FBXW11: variants seen among roughly 807,000 people sequenced by gnomAD.
FBXW11 encodes F-box and WD repeat domain containing 11.
Under a neutral mutation model 77.6 loss-of-function variants are expected in FBXW11, and 19 were observed. The ratio of observed to expected loss-of-function variants is 0.24; its 90% CI spans 0.17 to 0.36. The LOEUF is 0.36. FBXW11 is among the 10% of genes least tolerant of loss of function. The pLI, the probability that FBXW11 is intolerant of heterozygous loss-of-function variation, is 1.00. For missense variants in FBXW11, 334 were observed against 704.2 expected (o/e 0.47, Z 5.95); for synonymous variants, 235 against 249.4 (o/e 0.94, Z 0.54).
At chr5:171,959,857 A>AAAAGAAAAG (rs60835432) in intron 1 of FBXW11, among the ~76,000 whole-genome samples, 161 of 130,920 alleles carry the variant, frequency 1.2e-3, no homozygotes, top group Middle Eastern at 3.7e-3. Context: ...CAAAAAAAAA[A>AAAAGAAAAG]AAAAGAAAAG....
intron 6 of FBXW11, among the ~76,000 whole-genome samples, chr5:171,897,252 T>C (rs1431218688): frequency 6.6e-6 from 1 of 152,230 alleles, no homozygotes. Flanking sequence ...CTATTAGTGG[T>C]ACATTACTTT....
At chr5:171,974,418 G>A (rs1369651459) in intron 1 of FBXW11, among the ~76,000 whole-genome samples, 2 of 149,234 alleles carry the variant, frequency 1.3e-5, no homozygotes. Flanking sequence ...TGGATGACAG[G>A]AGCGAAACTC....
intron 1 of FBXW11, chr5:171,997,161 G>A (rs966549427): frequency 2.6e-5 from 25 of 951,906 alleles, no homozygotes; most frequent in African/African-American, 5.1e-5. Context: ...TGAGGCACAG[G>A]AAAAAAGTTA....
At chr5:171,938,123 T>C (rs922463356) in intron 2 of FBXW11, among the ~76,000 whole-genome samples, 13 of 152,356 alleles carry the variant, frequency 8.5e-5, no homozygotes, top group African/African-American at 2.9e-4. Flanking sequence ...AGTGGCACGA[T>C]CATAGCTCAC....
At chr5:171,915,201 G>A (rs1017505588) in intron 2 of FBXW11, among the ~76,000 whole-genome samples, 1 of 152,094 alleles carries the variant, frequency 6.6e-6, no homozygotes, top group Non-Finnish European at 1.5e-5. Flanking sequence ...ACTCATTTAT[G>A]GATAGCAGTC....
At chr5:172,001,343 TG>T (rs1561765774) in intron 1 of FBXW11, among the ~76,000 whole-genome samples, 6 of 152,186 alleles carry the variant, frequency 3.9e-5, no homozygotes, top group Non-Finnish European at 2.9e-5. Flanking sequence ...AATTTGGAAC[TG>T]ATTATTGTGA....
intron 1 of FBXW11, among the ~76,000 whole-genome samples, chr5:171,997,398 T>C (rs1286321928): frequency 6.6e-6 from 1 of 152,236 alleles, no homozygotes; most frequent in African/African-American, 2.4e-5. Flanking sequence ...CCTTATCCAT[T>C]TTCTAAGACA....
At position 171,876,145 on chromosome 5, in the gene FBXW11, G is replaced by A. The variant is rs1758065629; in HGVS notation, c.1221+140C>T. Reference sequence around the variant, plus strand: ...GCCTACAACTCTACAGATATACAGAGTGGGATGGCCTCAAGGGTTCATAAG... The same window carrying A: ...GCCTACAACTCTACAGATATACAGAATGGGATGGCCTCAAGGGTTCATAAG... On this transcript the variant is annotated intron_variant, in intron 9 of 13. Transcript: ENST00000517395. The surrounding 1 kb of genome is among the most constrained non-coding windows in gnomAD (Gnocchi z 4.2). The A allele has an allele frequency of 3.1e-6, 3 of 955,296 alleles. No individual in the cohort carries two copies. Among genetic ancestry groups the A allele is most frequent in the Non-Finnish European group, 4.7e-6 (3 of 633,186 alleles). The allele number at this position is 955,296 out of a possible 1,614,324, so 59.2% of individuals were successfully genotyped here. A position where few individuals can be genotyped will look rare whatever the true frequency, so the allele number is the denominator to read the frequency against.
chr5:171,973,003 G>A (rs1019903142), intron 1 of FBXW11, among the ~76,000 whole-genome samples: 1 of 152,172 alleles, frequency 6.6e-6, no homozygotes, highest in African/African-American at 2.4e-5. Context: ...GAACGCATAT[G>A]CACAGAAGTA....
rs182497992 is a variant in FBXW11 at position 172,003,344 on chromosome 5, T to C, written c.45+3114A>G. 3.3e-5 allele frequency: 5 copies of C among 152,342 alleles called. No homozygotes were observed. In the East Asian group the frequency reaches 7.7e-4, roughly 23 times the overall value. The allele number at this position is 152,342 out of a possible 1,614,324, so 9.4% of individuals were successfully genotyped here. The stretch of plus-strand genomic sequence containing the variant: ...CAAGTCATATTCCTAACTCAAAGGT[T>C]AATAAATACCACGTGATACATATTG... On this transcript the variant is annotated intron_variant, in intron 1 of 13. Coordinates refer to ENST00000517395, the MANE Select transcript of FBXW11 (RefSeq NM_001378974.1).
chr5:171,923,104 G>A (rs1364958540), intron 2 of FBXW11, among the ~76,000 whole-genome samples: 1 of 152,022 alleles, frequency 6.6e-6, no homozygotes, highest in Non-Finnish European at 1.5e-5. Context: ...AATAGAGATG[G>A]GGTTTCGTCA....
intron 7 of FBXW11, 66 bp from the exon 8 acceptor site, chr5:171,878,195 C>A (rs1412909745): frequency 1.1e-5 from 12 of 1,107,456 alleles, no homozygotes; most frequent in Non-Finnish European, 1.5e-5. Context: ...TGTTACTGTC[C>A]CACCTTATGT....
At chr5:171,864,801 T>C (rs959836862) in intron 13 of FBXW11, among the ~76,000 whole-genome samples, 1 of 152,082 alleles carries the variant, frequency 6.6e-6, no homozygotes, top group African/African-American at 2.4e-5. Context: ...AAAAACAATA[T>C]TCATGAGAAT....
intron 7 of FBXW11, among the ~76,000 whole-genome samples, chr5:171,884,636 G>A (rs1282234812): frequency 6.6e-6 from 1 of 152,162 alleles, no homozygotes; most frequent in East Asian, 1.9e-4. Flanking sequence ...TATTTTGACA[G>A]GGACTGCATT....
chr5:172,004,586 G>A (rs1177739682), intron 1 of FBXW11, among the ~76,000 whole-genome samples: 2 of 151,978 alleles, frequency 1.3e-5, no homozygotes, highest in Non-Finnish European at 2.9e-5. Flanking sequence ...ATACATTTTC[G>A]TTATTTTTTA....
chr5:171,958,893 C>A lies in FBXW11; in HGVS notation c.46-1195G>T, dbSNP rs144625120. 2.4e-3 allele frequency among the ~76,000 whole-genome samples: 364 copies of A among 152,244 alleles called. 3 individuals carry two copies. The highest frequency in any genetic ancestry group is 8.4e-3 in the African/African-American group (347 of 41,550). On this transcript the variant is annotated intron_variant, in intron 1 of 13. Transcript: ENST00000517395. The stretch of plus-strand genomic sequence containing the variant: ...TAGCTATAATTAGAATAGCCAAACA[C>A]CCTCATTTGCCTGAGATAGTCCTGG...
Position 171,904,542 on chromosome 5 carries a change from A to C in FBXW11, c.437-4442T>G, listed in dbSNP as rs1760347214. Among the ~76,000 whole-genome samples, 2 of 152,042 alleles carry C rather than the reference A, an allele frequency of 1.3e-5. No individual in the cohort carries two copies. Among genetic ancestry groups the C allele is most frequent in the Non-Finnish European group, 2.9e-5 (2 of 67,996 alleles). Reference sequence around the variant, plus strand: ...TACAAAATCAGAATCTCTAGACGGTAAGGCCCAGGAATCTGGGTGTGGTTT... The same window carrying C: ...TACAAAATCAGAATCTCTAGACGGTCAGGCCCAGGAATCTGGGTGTGGTTT... On this transcript the variant is annotated intron_variant, in intron 4 of 13. Coordinates refer to ENST00000517395, the MANE Select transcript of FBXW11 (RefSeq NM_001378974.1). The surrounding 1 kb of genome is among the most constrained non-coding windows in gnomAD (Gnocchi z 4.0).
At position 171,998,336 on chromosome 5, in the gene FBXW11, C is replaced by CTTTTTTTTTTTTTTT. The variant is rs778327855; in HGVS notation, c.45+8107_45+8121dup. On this transcript the variant is annotated intron_variant, in intron 1 of 13. Coordinates refer to ENST00000517395, the MANE Select transcript of FBXW11 (RefSeq NM_001378974.1). ...ACAGCCCATGATATTTTTTTCTTGT[C>CTTTTTTTTTTTTTTT]TTTTTTTTTTTTTTTTTAAGTAGAG... Among the ~76,000 whole-genome samples the CTTTTTTTTTTTTTTT allele has an allele frequency of 2.2e-3, 251 of 114,800 alleles. 31 individuals carry two copies. The highest frequency in any genetic ancestry group is 9.7e-3 in the African/African-American group (232 of 24,006). 75.3% of individuals were successfully genotyped at this position (114,800 alleles called of 152,430 possible). A position where few individuals can be genotyped will look rare whatever the true frequency, so the allele number is the denominator to read the frequency against.
At chr5:171,958,725 T>C (rs17074193) in intron 1 of FBXW11, among the ~76,000 whole-genome samples, 120,628 of 152,210 alleles carry the variant, frequency 0.79, 51,405 homozygotes, top group East Asian at 0.97. Flanking sequence ...CATTAGACCA[T>C]ACTGTTCAAT....
Sources: allele counts gnomAD v4.1 joint callset (sites outside exome capture counted in the v4.1 genomes callset), GRCh38; gene constraint gnomAD v4.1.1; non-coding constraint Gnocchi (gnomAD v3.1); transcripts MANE v1.5; gene names NCBI Gene and HGNC (gene_info 2026-07-23, HGNC 2026-07-21).